The following OSBPL1A variants were observed in gnomAD, a reference collection of about 807,000 sequenced individuals.
OSBPL1A encodes the protein oxysterol-binding protein-related protein 1.
Under a neutral mutation model 137.1 loss-of-function variants are expected in OSBPL1A, and 80 were observed. The ratio of observed to expected loss-of-function variants is 0.58; its 90% confidence interval spans 0.49 to 0.70. The LOEUF is 0.70. OSBPL1A is among the 30% of genes least tolerant of loss of function. The pLI, the probability that OSBPL1A is intolerant of heterozygous loss-of-function variation, is 0.00. For synonymous variants in OSBPL1A, 365 were observed against 389.7 expected, an observed-to-expected ratio of 0.94 and a Z score of 0.75; for missense variants, 970 against 1,129.4, an observed-to-expected ratio of 0.86 and a Z score of 2.02.
intron 1 of OSBPL1A, among the ~76,000 whole-genome samples, chr18:24,395,986 C>T (rs774966718): frequency 1.3e-5 from 2 of 148,870 alleles, no homozygotes; most frequent in South Asian, 2.2e-4. Flanking sequence ...TTTGGGAGGC[C>T]GAGGCAGGCG....
intron 5 of OSBPL1A, among the ~76,000 whole-genome samples, chr18:24,335,089 C>T (rs575268331): frequency 6.6e-6 from 1 of 152,250 alleles, no homozygotes; most frequent in African/African-American, 2.4e-5. Flanking sequence ...GGGGGTCTTA[C>T]TGTGTTGCCC....
chr18:24,296,309 G>A (rs2090291169), intron 14 of OSBPL1A, among the ~76,000 whole-genome samples: 2 of 152,032 alleles, frequency 1.3e-5, no homozygotes, highest in Non-Finnish European at 2.9e-5. Context: ...CAGCTTGGTC[G>A]CTGTTGCTGT....
intron 17 of OSBPL1A, among the ~76,000 whole-genome samples, chr18:24,217,548 C>T (rs1350336822): frequency 6.6e-6 from 1 of 152,134 alleles, no homozygotes; most frequent in East Asian, 1.9e-4. Context: ...TGAACCTCTG[C>T]ACCCTGTCAG....
intron 13 of OSBPL1A, chr18:24,311,359 G>T: frequency 1.9e-6 from 1 of 527,116 alleles, no homozygotes; most frequent in Non-Finnish European, 2.4e-6. Flanking sequence ...TAATTCTTCC[G>T]AACTCAATTC....
chr18:24,271,891 G>GCGCC lies in OSBPL1A; in HGVS notation c.1281+8947_1281+8950dup. On this transcript the variant is annotated intron_variant, in intron 15 of 27. Transcript: ENST00000319481. The surrounding 1 kb of genome is among the most constrained non-coding windows in gnomAD (Gnocchi z 4.0). ...GCCAGCGGCCCAGGACTCCCGCGCC[G>GCGCC]CGCCCGCCCGGGCCGCAGAGGTCTG... 2 of 984,644 alleles carry GCGCC rather than the reference G, an allele frequency of 2.0e-6. No individual in the cohort carries two copies. Among genetic ancestry groups the GCGCC allele is most frequent in the Non-Finnish European group, 2.4e-6 (2 of 829,728 alleles). The allele number at this position is 984,644 out of a possible 1,614,324, so 61.0% of individuals were successfully genotyped here. A position where few individuals can be genotyped will look rare whatever the true frequency, so the allele number is the denominator to read the frequency against.
chr18:24,290,280 GAAAC>G (rs1315058880), intron 14 of OSBPL1A, among the ~76,000 whole-genome samples: 1 of 152,154 alleles, frequency 6.6e-6, no homozygotes, highest in East Asian at 1.9e-4. Flanking sequence ...TAGAAAGAAA[GAAAC>G]AAACAAAAGG....
chr18:24,297,480 C>T (rs1040301101), intron 14 of OSBPL1A, among the ~76,000 whole-genome samples: 10 of 152,012 alleles, frequency 6.6e-5, no homozygotes, highest in African/African-American at 2.4e-4. Flanking sequence ...TTTTTTGTGA[C>T]ACTAGCTTGT....
intron 4 of OSBPL1A, among the ~76,000 whole-genome samples, chr18:24,353,091 T>A: frequency 6.6e-6 from 1 of 152,026 alleles, no homozygotes; most frequent in East Asian, 1.9e-4. Context: ...CTAAAGAGCT[T>A]CTGCACAGCA....
chr18:24,290,408 T>C (rs780480731), intron 14 of OSBPL1A, among the ~76,000 whole-genome samples: 1 of 152,256 alleles, frequency 6.6e-6, no homozygotes, highest in Admixed American at 6.5e-5. Flanking sequence ...TGGCCAGGCA[T>C]AGTGGCTCAC....
At chr18:24,252,995 A>G (rs912808092) in intron 15 of OSBPL1A, among the ~76,000 whole-genome samples, 1 of 152,202 alleles carries the variant, frequency 6.6e-6, no homozygotes, top group Middle Eastern at 3.4e-3. Context: ...AAGAAATTAA[A>G]TCATACCACC....
intron 4 of OSBPL1A, among the ~76,000 whole-genome samples, chr18:24,344,912 C>T (rs1056671561): frequency 2.0e-5 from 3 of 152,056 alleles, no homozygotes; most frequent in African/African-American, 7.2e-5. Flanking sequence ...CTCCTGGGCT[C>T]AAGTGATCCT....
intron 17 of OSBPL1A, 86 bp from the exon 18 acceptor site, chr18:24,196,286 G>T: frequency 2.2e-6 from 2 of 904,380 alleles, no homozygotes; most frequent in Non-Finnish European, 3.5e-6. Flanking sequence ...CATGAGAGCT[G>T]CAGGCACAGA....
At chr18:24,240,009 C>T (rs531050029) in intron 15 of OSBPL1A, among the ~76,000 whole-genome samples, 29 of 147,528 alleles carry the variant, frequency 2.0e-4, no homozygotes, top group Admixed American at 1.7e-3. Flanking sequence ...CTGAAACCTC[C>T]GCCTCTTGGG....
At chr18:24,273,949 T>C (rs994607985) in intron 15 of OSBPL1A, among the ~76,000 whole-genome samples, 5 of 152,004 alleles carry the variant, frequency 3.3e-5, no homozygotes, top group Non-Finnish European at 5.9e-5. Context: ...AAAAACCAAA[T>C]TGAACCGGGC....
chr18:24,300,844 G>A (rs1420434810), intron 14 of OSBPL1A, among the ~76,000 whole-genome samples: 1 of 151,994 alleles, frequency 6.6e-6, no homozygotes, highest in Non-Finnish European at 1.5e-5. Context: ...TCAATACAGG[G>A]TCTGGCTCTG....
intron 17 of OSBPL1A, among the ~76,000 whole-genome samples, chr18:24,205,039 T>C (rs962847301): frequency 6.6e-6 from 1 of 152,222 alleles, no homozygotes; most frequent in African/African-American, 2.4e-5. Context: ...ATGGCTAGCA[T>C]TTAGTGAGAG....
At chr18:24,389,682 T>C (rs1018163009) in intron 1 of OSBPL1A, among the ~76,000 whole-genome samples, 11 of 152,182 alleles carry the variant, frequency 7.2e-5, no homozygotes, top group African/African-American at 2.4e-4. Context: ...GGCTCACGCC[T>C]GTACTCCCAA....
At chr18:24,283,679 C>G (rs1271818642) in intron 14 of OSBPL1A, among the ~76,000 whole-genome samples, 1 of 152,060 alleles carries the variant, frequency 6.6e-6, no homozygotes, top group African/African-American at 2.4e-5. Context: ...CACAGCCTAT[C>G]CCTTCCATAA....
chr18:24,256,594 G>C (rs1439344024), intron 15 of OSBPL1A, among the ~76,000 whole-genome samples: 1 of 152,020 alleles, frequency 6.6e-6, no homozygotes, highest in Non-Finnish European at 1.5e-5. Context: ...TATACAACAT[G>C]GTACTGTTAG....
Sources: gnomAD v4.1 joint callset for allele counts (sites outside exome capture counted in the v4.1 genomes callset) on GRCh38, gnomAD v4.1.1 for gene constraint, Gnocchi (gnomAD v3.1) non-coding constraint, MANE v1.5 for transcripts, NCBI Gene and HGNC (gene_info 2026-07-23, HGNC 2026-07-21) for gene names.